Variants in EYS observed in about 807,000 individuals in gnomAD.
EYS encodes protein eyes shut homolog.
A neutral mutation model predicts 282.1 loss-of-function variants in EYS; 250 were observed. That is an observed-to-expected ratio of 0.89 (90% confidence interval 0.80 to 0.98). The LOEUF (loss-of-function observed/expected upper bound fraction) is 0.98, where lower values mean the gene tolerates loss of function less well. Ranked by LOEUF, EYS falls within the 50% of genes least tolerant of loss-of-function variation. The pLI is 0.00. For missense variants in EYS, 4,016 were observed against 3,709.0 expected (o/e 1.08, Z -2.15); for synonymous variants, 1,355 against 1,282.9 (o/e 1.06, Z -1.20).
chr6:63,775,940 T>C (rs1309893800), intron 40 of EYS, among the ~76,000 whole-genome samples: 1 of 152,176 alleles, frequency 6.6e-6, no homozygotes, highest in Non-Finnish European at 1.5e-5. Context: ...TCTGGCTCTG[T>C]AGTATATCTT....
intron 24 of EYS, among the ~76,000 whole-genome samples, chr6:64,593,581 G>A (rs1478907280): frequency 3.9e-5 from 6 of 151,932 alleles, no homozygotes; most frequent in African/African-American, 1.5e-4. Flanking sequence ...TTACTTTTGA[G>A]AATATAGTTT....
chr6:64,172,740 A>G (rs1375016874), intron 31 of EYS, among the ~76,000 whole-genome samples: 1 of 152,116 alleles, frequency 6.6e-6, no homozygotes, highest in Non-Finnish European at 1.5e-5. Flanking sequence ...GTTCAAGGCT[A>G]ATCTAGAATC....
intron 2 of EYS, among the ~76,000 whole-genome samples, chr6:65,582,717 G>C (rs1200713738): frequency 6.6e-6 from 1 of 152,018 alleles, no homozygotes; most frequent in South Asian, 2.1e-4. Context: ...TCCCAACAGA[G>C]GGATTTCACA....
intron 12 of EYS, among the ~76,000 whole-genome samples, chr6:65,242,538 G>A (rs1024834795): frequency 1.3e-4 from 19 of 151,812 alleles, no homozygotes; most frequent in African/African-American, 4.4e-4. Flanking sequence ...ATAGACATTT[G>A]GATTATTTCC....
At chr6:63,864,529 G>A (rs1327773222) in intron 35 of EYS, among the ~76,000 whole-genome samples, 171 bp from the exon 36 acceptor site, 2 of 151,808 alleles carry the variant, frequency 1.3e-5, no homozygotes, top group Admixed American at 6.6e-5. Flanking sequence ...AATATTTGTA[G>A]CTGTGTGCTT....
intron 26 of EYS, among the ~76,000 whole-genome samples, chr6:64,467,535 T>C (rs1020771867): frequency 2.6e-5 from 4 of 152,108 alleles, no homozygotes; most frequent in Admixed American, 2.0e-4. Flanking sequence ...GGCCTGGAGA[T>C]TGATCAGTTC....
At chr6:63,868,960 CA>C (rs1159398286) in intron 35 of EYS, among the ~76,000 whole-genome samples, 1 of 152,100 alleles carries the variant, frequency 6.6e-6, no homozygotes, top group Admixed American at 6.6e-5. Flanking sequence ...CTACGTGTGT[CA>C]TTTTTCATTT....
chr6:65,075,218 G>C (rs1443366642), intron 12 of EYS, among the ~76,000 whole-genome samples: 1 of 151,744 alleles, frequency 6.6e-6, no homozygotes, highest in African/African-American at 2.4e-5. Flanking sequence ...TACATTTCTT[G>C]AAAACCAAGG....
intron 12 of EYS, among the ~76,000 whole-genome samples, chr6:65,139,388 C>T (rs543722759): frequency 6.6e-6 from 1 of 152,006 alleles, no homozygotes; most frequent in African/African-American, 2.4e-5. Context: ...ACAGTGAGTA[C>T]CTATAGACAC....
intron 12 of EYS, among the ~76,000 whole-genome samples, chr6:65,194,661 T>C (rs16896389): frequency 0.24 from 36,200 of 151,724 alleles, 4,495 homozygotes; most frequent in African/African-American, 0.28. Flanking sequence ...TTGAAGGGCC[T>C]GTATCCCAAG....
chr6:65,154,188 T>G (rs1764681220), intron 12 of EYS, among the ~76,000 whole-genome samples: 2 of 151,790 alleles, frequency 1.3e-5, no homozygotes, highest in African/African-American at 4.8e-5. Context: ...ATCATGTGAT[T>G]CGATAATTCA....
At chr6:65,374,207 T>G (rs1278318780) in intron 8 of EYS, among the ~76,000 whole-genome samples, 1 of 152,112 alleles carries the variant, frequency 6.6e-6, no homozygotes, top group Non-Finnish European at 1.5e-5. Flanking sequence ...TCATTGGGAC[T>G]GGTTAGGCAG....
At chr6:63,723,234 CAT>C (rs1341114790) in intron 42 of EYS, among the ~76,000 whole-genome samples, 15 of 152,022 alleles carry the variant, frequency 9.9e-5, no homozygotes, top group Middle Eastern at 3.2e-3. Flanking sequence ...TAATTTCTAA[CAT>C]GTATAGCATT....
At chr6:64,808,110 T>C (rs1360280631) in intron 22 of EYS, among the ~76,000 whole-genome samples, 1 of 149,490 alleles carries the variant, frequency 6.7e-6, no homozygotes, top group Non-Finnish European at 1.5e-5. Context: ...CCTTCCCTTC[T>C]TCCCTTTCCT....
At chr6:64,381,262 C>T (rs1385079214) in intron 29 of EYS, among the ~76,000 whole-genome samples, 1 of 152,060 alleles carries the variant, frequency 6.6e-6, no homozygotes, top group Non-Finnish European at 1.5e-5. Context: ...TGCTTTGAGC[C>T]TTAAAAACTA....
chr6:64,627,243 A>C (rs763387685), intron 22 of EYS, among the ~76,000 whole-genome samples: 3 of 152,232 alleles, frequency 2.0e-5, no homozygotes, highest in Non-Finnish European at 2.9e-5. Flanking sequence ...AAAATAGACA[A>C]GTAGCCGACA....
intron 24 of EYS, among the ~76,000 whole-genome samples, chr6:64,595,849 A>G (rs111407945): frequency 1.1e-3 from 165 of 152,266 alleles, no homozygotes; most frequent in Middle Eastern, 3.4e-3. Flanking sequence ...TATTTCAATG[A>G]CTGTATTAAA....
chr6:64,567,273 G>A (rs971587128), intron 26 of EYS, among the ~76,000 whole-genome samples: 2 of 152,028 alleles, frequency 1.3e-5, no homozygotes, highest in African/African-American at 4.8e-5. Context: ...ATTTTATAAA[G>A]TCAACACATG....
At chr6:64,377,190 A>G (rs1582671245) in intron 29 of EYS, among the ~76,000 whole-genome samples, 2 of 152,272 alleles carry the variant, frequency 1.3e-5, no homozygotes, top group Non-Finnish European at 1.5e-5. Flanking sequence ...TATCTCATTG[A>G]AAAAAAGCAT....
Sources: gnomAD v4.1 joint callset for allele counts (sites outside exome capture counted in the v4.1 genomes callset) on GRCh38, gnomAD v4.1.1 for gene constraint, MANE v1.5 for transcripts, NCBI Gene and HGNC (gene_info 2026-07-23, HGNC 2026-07-21) for gene names.